SPECC1L: variants seen among roughly 807,000 people sequenced by gnomAD.
SPECC1L encodes sperm antigen with calponin homology and coiled-coil domains 1 like, also known as cytospin-A.
Under a neutral mutation model 116.8 loss-of-function variants are expected in SPECC1L, and 40 were observed. The ratio of observed to expected loss-of-function variants is 0.34; its 90% confidence interval spans 0.27 to 0.45. SPECC1L has a LOEUF of 0.45. Among genes scored for constraint, SPECC1L ranks in the 20% least tolerant of loss-of-function variants. The pLI is 1.00. For missense variants in SPECC1L, 1,110 were observed against 1,373.6 expected (o/e 0.81, Z 3.03); for synonymous variants, 504 against 500.6 (o/e 1.01, Z -0.09).
intron 3 of SPECC1L, among the ~76,000 whole-genome samples, chr22:24,311,368 T>C (rs2040457025): frequency 1.3e-5 from 2 of 152,150 alleles, no homozygotes; most frequent in Admixed American, 6.5e-5. Flanking sequence ...AGATTGAAAA[T>C]ATAAGAATGT....
At chr22:24,390,135 T>TAA (rs397961386) in intron 14 of SPECC1L, among the ~76,000 whole-genome samples, 43 of 135,582 alleles carry the variant, frequency 3.2e-4, no homozygotes, top group East Asian at 1.3e-3. Flanking sequence ...CCCCAACCCT[T>TAA]AAAAAAAAAA....
chr22:24,329,873 T>G (rs2040904339), intron 7 of SPECC1L, among the ~76,000 whole-genome samples: 1 of 152,202 alleles, frequency 6.6e-6, no homozygotes, highest in Admixed American at 6.5e-5. Flanking sequence ...TCACATACCA[T>G]TTATATACCT....
intron 2 of SPECC1L, among the ~76,000 whole-genome samples, chr22:24,280,087 A>G (rs932417929): frequency 3.3e-5 from 5 of 152,308 alleles, no homozygotes; most frequent in African/African-American, 4.8e-5. Context: ...GGAGTTTCTC[A>G]GTGCTCTGTC....
At chr22:24,375,543 C>A (rs1047796508) in intron 14 of SPECC1L, among the ~76,000 whole-genome samples, 3 of 152,142 alleles carry the variant, frequency 2.0e-5, no homozygotes, top group Non-Finnish European at 2.9e-5. Flanking sequence ...GGGGAAAAAA[C>A]CGCATGATCA....
At chr22:24,277,426 A>AT (rs2048857937) in intron 2 of SPECC1L, among the ~76,000 whole-genome samples, 1 of 152,216 alleles carries the variant, frequency 6.6e-6, no homozygotes, top group South Asian at 2.1e-4. Context: ...TGTACCTTTC[A>AT]TGTGGTTTTT....
chr22:24,313,923 G>C (rs61677201), intron 4 of SPECC1L, among the ~76,000 whole-genome samples: 1,634 of 151,980 alleles, frequency 0.011, 26 homozygotes, highest in African/African-American at 0.038. Flanking sequence ...ATTTTTAGTA[G>C]AGATGGGGTT....
intron 9 of SPECC1L, 44 bp from the exon 10 acceptor site, chr22:24,338,342 C>T (rs750676844): frequency 6.9e-6 from 11 of 1,592,576 alleles, no homozygotes; most frequent in East Asian, 2.2e-5. Flanking sequence ...TAAGCTTCCA[C>T]TGTACAGTGA....
intron 14 of SPECC1L, among the ~76,000 whole-genome samples, chr22:24,372,540 T>C (rs918915178): frequency 6.6e-6 from 1 of 152,146 alleles, no homozygotes; most frequent in Non-Finnish European, 1.5e-5. Flanking sequence ...ATTATCTCAA[T>C]AGATGCAGAA....
chr22:24,293,468 AG>A (rs2049196392), intron 2 of SPECC1L, among the ~76,000 whole-genome samples: 1 of 152,096 alleles, frequency 6.6e-6, no homozygotes, highest in Non-Finnish European at 1.5e-5. Flanking sequence ...AAAAAATAAA[AG>A]GGGGGAAAAA....
chr22:24,306,885 A>G (rs1241330170), intron 3 of SPECC1L, among the ~76,000 whole-genome samples: 1 of 152,154 alleles, frequency 6.6e-6, no homozygotes, highest in Non-Finnish European at 1.5e-5. Flanking sequence ...TAGCTACCTT[A>G]TATAAGTGGA....
chr22:24,386,596 GTTATTATTA>G (rs576690034), intron 14 of SPECC1L, among the ~76,000 whole-genome samples: 1 of 150,530 alleles, frequency 6.6e-6, no homozygotes, highest in East Asian at 1.9e-4. Context: ...TATTATTATT[GTTATTATTA>G]TTATTATTAT....
intron 10 of SPECC1L, 107 bp downstream of exon 10, chr22:24,338,584 C>T (rs2041109453): frequency 4.5e-6 from 4 of 883,452 alleles, no homozygotes; most frequent in Non-Finnish European, 7.5e-6. Context: ...ATGACTACCT[C>T]AGCAGGGATG....
At chr22:24,280,649 C>G (rs1726924400) in intron 2 of SPECC1L, among the ~76,000 whole-genome samples, 1 of 149,046 alleles carries the variant, frequency 6.7e-6, no homozygotes, top group South Asian at 2.1e-4. Flanking sequence ...ATGACCACAG[C>G]TTATTACAGC....
At chr22:24,364,410 C>T (rs2041709713) in intron 12 of SPECC1L, among the ~76,000 whole-genome samples, 2 of 151,856 alleles carry the variant, frequency 1.3e-5, no homozygotes, top group African/African-American at 4.8e-5. Flanking sequence ...TGCCTGTAAT[C>T]CCAGCACTTT....
intron 2 of SPECC1L, among the ~76,000 whole-genome samples, chr22:24,289,028 T>C (rs1181312896): frequency 6.6e-6 from 1 of 152,248 alleles, no homozygotes; most frequent in Non-Finnish European, 1.5e-5. Flanking sequence ...GAGGTTGTTA[T>C]AAATGTACAA....
intron 8 of SPECC1L, 104 bp downstream of exon 8, chr22:24,330,535 C>G (rs2040917024): frequency 7.8e-7 from 1 of 1,282,742 alleles, no homozygotes; most frequent in South Asian, 1.2e-5. Context: ...TTGATACTTA[C>G]TGAGTTTGGA....
chr22:24,353,456 T>C (rs557902502), intron 11 of SPECC1L, among the ~76,000 whole-genome samples: 2 of 152,286 alleles, frequency 1.3e-5, no homozygotes, highest in South Asian at 4.1e-4. Context: ...TGTTTTGTTT[T>C]TTGAGTTTTT....
intron 2 of SPECC1L, among the ~76,000 whole-genome samples, chr22:24,291,645 G>A (rs1450377486): frequency 6.6e-6 from 1 of 151,816 alleles, no homozygotes; most frequent in Admixed American, 6.6e-5. Flanking sequence ...TGTAAATTAT[G>A]ATAGCTCATG....
At chr22:24,414,457 TGTTGCTATGGCAGA>T in intron 16 of SPECC1L, 63 bp from the exon 17 acceptor site, 1 of 1,195,236 alleles carries the variant, frequency 8.4e-7, no homozygotes, top group South Asian at 1.3e-5. Context: ...CAAGAGCCCA[TGTTGCTATGGCAGA>T]GCCCATTGGC....
Sources: allele counts gnomAD v4.1 joint callset (sites outside exome capture counted in the v4.1 genomes callset), GRCh38; gene constraint gnomAD v4.1.1; transcripts MANE v1.5; gene names NCBI Gene and HGNC (gene_info 2026-07-23, HGNC 2026-07-21).